KCNJ14: variants seen among roughly 807,000 people sequenced by gnomAD.
KCNJ14 encodes the protein ATP-sensitive inward rectifier potassium channel 14.
A neutral mutation model predicts 24.5 loss-of-function variants in KCNJ14; 18 were observed. That is an observed-to-expected ratio of 0.74 (90% CI 0.51 to 1.09). The LOEUF is 1.09. KCNJ14 is among the 50% of genes least tolerant of loss of function. The pLI is 0.00. For synonymous variants in KCNJ14, 288 were observed against 270.8 expected (o/e 1.06, Z -0.63); for missense variants, 633 against 623.0 (o/e 1.02, Z -0.17).
Position 48,462,511 on chromosome 19 carries a change from G to A in KCNJ14, c.714+73G>A, listed in dbSNP as rs1027008376. On this transcript the variant is annotated intron_variant, in intron 2 of 2. Coordinates refer to ENST00000342291, the MANE Select transcript of KCNJ14 (RefSeq NM_013348.4). This position sits in a 1 kb window ranked among gnomAD's most constrained non-coding sequence, Gnocchi z 4.9. ...GTGGGAGATGTAGGCCCGAGGGCGA[G>A]GGGCGTGCGGTCCTGGAGGGGGCGT... 1 of 1,183,392 alleles carries A rather than the reference G, an allele frequency of 8.5e-7. No homozygotes were observed. The highest frequency in any genetic ancestry group is 1.1e-6 in the Non-Finnish European group (1 of 869,972). The allele number at this position is 1,183,392 out of a possible 1,614,324, so 73.3% of individuals were successfully genotyped here. A position where few individuals can be genotyped will look rare whatever the true frequency, so the allele number is the denominator to read the frequency against.
intron 1 of KCNJ14, among the ~76,000 whole-genome samples, chr19:48,460,161 T>C (rs1440483796): frequency 6.6e-6 from 1 of 152,200 alleles, no homozygotes; most frequent in African/African-American, 2.4e-5. Context: ...CAGTTACACC[T>C]TACGATTATG....
chr19:48,459,360 A>G (rs1971570515), intron 1 of KCNJ14, among the ~76,000 whole-genome samples: 1 of 151,950 alleles, frequency 6.6e-6, no homozygotes, highest in Non-Finnish European at 1.5e-5. Flanking sequence ...TTGCAACTAC[A>G]GTATCTTCTC....
At position 48,462,106 on chromosome 19, in the gene KCNJ14, T is replaced by C. The variant is rs1460310633; in HGVS notation, c.382T>C (p.Phe128Leu). Reference protein sequence around the residue: ...LAAPPPPAPCFSHVASFLAAF... With the variant: ...LAAPPPPAPCLSHVASFLAAF... ...CGCCCCGCCACCGCCCGCGCCCTGC[T>C]TCTCACACGTGGCCAGCTTCCTGGC... Residue 128 changes from phenylalanine (F) to leucine (L), a missense_variant, in exon 2 of 3, where the codon TTC becomes CTC. Phe to Leu is a conservative substitution (Grantham distance 22, BLOSUM62 0). Transcript: ENST00000342291. The surrounding 1 kb of genome is among the most constrained non-coding windows in gnomAD (Gnocchi z 4.9). The C allele has an allele frequency of 5.6e-6, 9 of 1,601,334 alleles. No individual in the cohort carries two copies. The highest frequency in any genetic ancestry group is 1.7e-4 in the Middle Eastern group (1 of 5,826).
Position 48,462,008 on chromosome 19 carries a change from G to T in KCNJ14, c.284G>T (p.Cys95Phe), listed in dbSNP as rs141869031. 1.2e-6 allele frequency: 2 copies of T among 1,612,886 alleles called. No homozygotes were observed. The highest frequency in any genetic ancestry group is 1.7e-4 in the Middle Eastern group (1 of 6,060). The change falls in exon 2 of 3, where the codon TGC becomes TTC. Residue 95 changes from cysteine (C) to phenylalanine (F), a missense_variant. Transcript: ENST00000342291. The surrounding 1 kb of genome is among the most constrained non-coding windows in gnomAD (Gnocchi z 4.9). ...CGCTGGATGTGCCTGCTCTTCTCCTGCTCCTTCCTCGCCTCCTGGCTGCTC... is the reference window on the plus strand; with the variant it reads ...CGCTGGATGTGCCTGCTCTTCTCCTTCTCCTTCCTCGCCTCCTGGCTGCTC... The part of the protein sequence containing the change: ...RWRWMCLLFS[C>F]SFLASWLLFG...
chr19:48,463,601 C>T (rs564328132), intron 2 of KCNJ14, among the ~76,000 whole-genome samples: 2 of 152,278 alleles, frequency 1.3e-5, no homozygotes, highest in South Asian at 4.1e-4. Context: ...GGGGAGAGCC[C>T]AGGGATAAGC....
rs1971600362 is a variant in KCNJ14, at chr19:48,461,797, G to A, written c.73G>A (p.Glu25Lys). The change falls in exon 2 of 3, where the codon GAG (glutamate) becomes AAG (lysine). Residue 25 changes from glutamate to lysine, a missense_variant. Glu to Lys is a moderately conservative substitution (Grantham distance 56, BLOSUM62 1). Coordinates refer to ENST00000342291, the MANE Select transcript of KCNJ14 (RefSeq NM_013348.4). ...GGGAGACAGCCGGGCGGGCGATGAA[G>A]AGGAGGCCGGGCCCGGGTTGTGCCG... ...DSGDSRAGDE[E>K]EAGPGLCRNG... The A allele has an allele frequency of 2.7e-6, 4 of 1,471,178 alleles. No individual in the cohort carries two copies. In the African/African-American group the frequency reaches 5.7e-5, roughly 21 times the overall value. The allele number at this position is 1,471,178 out of a possible 1,614,324, so 91.1% of individuals were successfully genotyped here.
Position 48,462,475 on chromosome 19 carries a change from C to T in KCNJ14, c.714+37C>T. On this transcript the variant is annotated intron_variant, in intron 2 of 2. Coordinates refer to ENST00000342291, the MANE Select transcript of KCNJ14 (RefSeq NM_013348.4). This position sits in a 1 kb window ranked among gnomAD's most constrained non-coding sequence, Gnocchi z 4.9. ...AGGAGAGGCGGGGACTTCCGTGAGC[C>T]CTGGGGGATTGTGGGAGATGTAGGC... 3 of 1,410,454 alleles carry T rather than the reference C, an allele frequency of 2.1e-6. No homozygotes were observed. The highest frequency in any genetic ancestry group is 2.8e-6 in the Non-Finnish European group (3 of 1,068,622). 87.4% of individuals were successfully genotyped at this position (1,410,454 alleles called of 1,614,324 possible).
At position 48,461,813 on chromosome 19, in the gene KCNJ14, G is replaced by A; in HGVS notation, c.89G>A (p.Gly30Glu). 7.3e-6 allele frequency: 11 copies of A among 1,499,572 alleles called. No homozygotes were observed. The highest frequency in any genetic ancestry group is 1.9e-4 in the Middle Eastern group (1 of 5,282). 92.9% of individuals were successfully genotyped at this position (1,499,572 alleles called of 1,614,324 possible). A position where few individuals can be genotyped will look rare whatever the true frequency, so the allele number is the denominator to read the frequency against. ...GGCGATGAAGAGGAGGCCGGGCCCG[G>A]GTTGTGCCGCAACGGGTGGGCGCCG... ...RAGDEEEAGP[G>E]LCRNGWAPAP... is the part of the protein sequence containing the mutation. The change falls in exon 2 of 3, where the codon GGG (glycine) becomes GAG (glutamate). Residue 30 changes from glycine to glutamate, a missense_variant. By Grantham distance (98) the Gly-to-Glu change is moderately conservative. Coordinates refer to ENST00000342291, the MANE Select transcript of KCNJ14 (RefSeq NM_013348.4).
chr19:48,463,770 G>A (rs924429102), intron 2 of KCNJ14, among the ~76,000 whole-genome samples: 3 of 152,058 alleles, frequency 2.0e-5, no homozygotes, highest in East Asian at 1.9e-4. Context: ...TTCCGTTGTC[G>A]CTTTGATTTC....
intron 1 of KCNJ14, among the ~76,000 whole-genome samples, chr19:48,458,474 C>T (rs1971559723): frequency 6.6e-6 from 1 of 152,156 alleles, no homozygotes; most frequent in Admixed American, 6.5e-5. Flanking sequence ...CATTTGTATA[C>T]CTTCTTTGGA....
In KCNJ14 at chr19:48,464,498, C is replaced by T. The variant is rs375438796; in HGVS notation, c.1032C>T (p.Val344=). The change falls in exon 3 of 3, where the codon GTC becomes GTT. Residue 344 remains valine, a synonymous_variant. Transcript: ENST00000342291. ...VLFQRGSQYE[V]DYRHFHRTYE... is the part of the protein sequence containing the mutation. ...TCCAGCGTGGCTCCCAGTATGAGGT[C>T]GACTATCGCCACTTCCATCGCACTT... The T allele has an allele frequency of 1.3e-5, 21 of 1,613,978 alleles. No individual in the cohort carries two copies. The highest frequency in any genetic ancestry group is 6.7e-5 in the African/African-American group (5 of 74,890).
At position 48,462,093 on chromosome 19, in the gene KCNJ14, G is replaced by T. The variant is rs746168069; in HGVS notation, c.369G>T (p.Pro123=). 4 of 1,602,246 alleles carry T rather than the reference G, an allele frequency of 2.5e-6. No homozygotes were observed. Among genetic ancestry groups the T allele is most frequent in the Non-Finnish European group, 8.5e-7 (1 of 1,176,190 alleles). The part of the protein sequence containing the change: ...SLHGDLAAPP[P]PAPCFSHVAS... ...ACGGCGACCTGGCCGCCCCGCCACC[G>T]CCCGCGCCCTGCTTCTCACACGTGG... Residue 123 remains proline, a synonymous_variant, in exon 2 of 3, where the codon CCG becomes CCT. Coordinates refer to ENST00000342291, the MANE Select transcript of KCNJ14 (RefSeq NM_013348.4). The surrounding 1 kb of genome is among the most constrained non-coding windows in gnomAD (Gnocchi z 4.9).
In KCNJ14 at chr19:48,461,810, C is replaced by A; in HGVS notation, c.86C>A (p.Pro29His). The change falls in exon 2 of 3, where the codon CCC (proline) becomes CAC (histidine). Residue 29 changes from proline (P) to histidine (H), a missense_variant. Coordinates refer to ENST00000342291, the MANE Select transcript of KCNJ14 (RefSeq NM_013348.4). ...GCGGGCGATGAAGAGGAGGCCGGGCCCGGGTTGTGCCGCAACGGGTGGGCG... is the reference window on the plus strand; with the variant it reads ...GCGGGCGATGAAGAGGAGGCCGGGCACGGGTTGTGCCGCAACGGGTGGGCG... ...SRAGDEEEAG[P>H]GLCRNGWAPA... The A allele has an allele frequency of 6.7e-7, 1 of 1,494,214 alleles. No homozygotes were observed. The highest frequency in any genetic ancestry group is 8.9e-7 in the Non-Finnish European group (1 of 1,124,760). The allele number at this position is 1,494,214 out of a possible 1,614,324, so 92.6% of individuals were successfully genotyped here.
In KCNJ14 at chr19:48,462,114, C is replaced by T. The variant is rs912899817; in HGVS notation, c.390C>T (p.His130=). The T allele has an allele frequency of 1.3e-6, 2 of 1,599,884 alleles. No homozygotes were observed. The highest frequency in any genetic ancestry group is 1.1e-5 in the South Asian group (1 of 89,280). ...CACCGCCCGCGCCCTGCTTCTCACA[C>T]GTGGCCAGCTTCCTGGCCGCCTTCC... ...APPPPAPCFS[H]VASFLAAFLF... The change falls in exon 2 of 3, where the codon CAC becomes CAT. Residue 130 remains histidine (H), a synonymous_variant. Transcript: ENST00000342291. This position sits in a 1 kb window ranked among gnomAD's most constrained non-coding sequence, Gnocchi z 4.9.
chr19:48,462,184 A>G lies in KCNJ14; in HGVS notation c.460A>G (p.Ser154Gly). The change falls in exon 2 of 3, where the codon AGC (serine) becomes GGC (glycine). Residue 154 changes from serine (S) to glycine (G), a missense_variant. Coordinates refer to ENST00000342291, the MANE Select transcript of KCNJ14 (RefSeq NM_013348.4). This position sits in a 1 kb window ranked among gnomAD's most constrained non-coding sequence, Gnocchi z 4.9. ...GACGTCCATCGGCTACGGCGTGCGC[A>G]GCGTCACCGAGGAGTGCCCGGCCGC... ...TQTSIGYGVRSVTEECPAAVA... is the reference protein window; with the variant it reads ...TQTSIGYGVRGVTEECPAAVA... The G allele has an allele frequency of 6.4e-7, 1 of 1,561,500 alleles. No individual in the cohort carries two copies. Among genetic ancestry groups the G allele is most frequent in the Non-Finnish European group, 8.7e-7 (1 of 1,153,682 alleles).
Position 48,461,919 on chromosome 19 carries a change from C to G in KCNJ14, c.195C>G (p.Asn65Lys), listed in dbSNP as rs1318018561. The G allele has an allele frequency of 1.2e-6, 2 of 1,608,576 alleles. No individual in the cohort carries two copies. Among genetic ancestry groups the G allele is most frequent in the Non-Finnish European group, 8.5e-7 (1 of 1,176,976 alleles). ...KDGHCNVRFV[N>K]LGGQGARYLS... is the part of the protein sequence containing the mutation. ...GGCACTGCAACGTGCGTTTCGTAAA[C>G]CTGGGTGGCCAGGGCGCGCGCTACC... Residue 65 changes from asparagine (N) to lysine (K), a missense_variant, in exon 2 of 3, where the codon AAC becomes AAG. Asn to Lys is a moderately conservative substitution (Grantham distance 94). Transcript: ENST00000342291.
In KCNJ14 at chr19:48,464,255, C is replaced by A. The variant is rs143401327; in HGVS notation, c.789C>A (p.Thr263=). 14 of 1,613,958 alleles carry A rather than the reference C, an allele frequency of 8.7e-6. No individual in the cohort carries two copies. The highest frequency in any genetic ancestry group is 1.2e-5 in the Non-Finnish European group (14 of 1,180,024). ...QDVDVGFDGG[T]DRIFLVSPIT... is the part of the protein sequence containing the mutation. Reference sequence around the variant, plus strand: ...TGGATGTGGGCTTTGATGGAGGCACCGATCGTATCTTCCTCGTGTCCCCCA... The same window carrying A: ...TGGATGTGGGCTTTGATGGAGGCACAGATCGTATCTTCCTCGTGTCCCCCA... The change falls in exon 3 of 3, where the codon ACC becomes ACA. Residue 263 remains threonine (T), a synonymous_variant. Transcript: ENST00000342291.
intron 1 of KCNJ14, among the ~76,000 whole-genome samples, chr19:48,459,775 T>C (rs144772952): frequency 0.045 from 6,788 of 152,184 alleles, 531 homozygotes; most frequent in African/African-American, 0.15. Flanking sequence ...ACGCCTGTAA[T>C]CCCAGTACTT....
chr19:48,461,596 C>A (rs897665137), intron 1 of KCNJ14, 74 bp from the exon 2 acceptor site: 1 of 492,150 alleles, frequency 2.0e-6, no homozygotes, highest in African/African-American at 2.1e-5. Flanking sequence ...CTAAGCCCCA[C>A]CAGAAAGCAT....
Sources: allele counts gnomAD v4.1 joint callset (sites outside exome capture counted in the v4.1 genomes callset), GRCh38; gene constraint gnomAD v4.1.1; non-coding constraint Gnocchi (gnomAD v3.1); transcripts MANE v1.5; gene names NCBI Gene and HGNC (gene_info 2026-07-23, HGNC 2026-07-21).